DENND5B: variants seen among roughly 807,000 people sequenced by gnomAD.
DENND5B encodes the protein DENN domain-containing protein 5B.
DENND5B carries 34 observed loss-of-function variants against 140.6 expected under a neutral mutation model. The ratio of observed to expected loss-of-function variants is 0.24; its 90% confidence interval spans 0.18 to 0.32. DENND5B has a LOEUF of 0.32. Among genes scored for constraint, DENND5B ranks in the 10% least tolerant of loss-of-function variants. The pLI, the probability that DENND5B is intolerant of heterozygous loss-of-function variation, is 1.00. For missense variants in DENND5B, 1,142 were observed against 1,560.2 expected, an observed-to-expected ratio of 0.73 and a Z score of 4.52; for synonymous variants, 551 against 562.1, an observed-to-expected ratio of 0.98 and a Z score of 0.28.
intron 2 of DENND5B, among the ~76,000 whole-genome samples, chr12:31,493,259 A>G (rs763556467): frequency 8.5e-5 from 13 of 152,236 alleles, no homozygotes; most frequent in Admixed American, 2.0e-4. Context: ...CTTTGAAAAT[A>G]TAAGAATTCT....
chr12:31,555,433 A>T (rs1949244019), intron 1 of DENND5B, among the ~76,000 whole-genome samples: 1 of 152,164 alleles, frequency 6.6e-6, no homozygotes, highest in African/African-American at 2.4e-5. Context: ...TCAGAGGAGT[A>T]CCTGGCCGTG....
At chr12:31,389,987 A>C (rs1941040170) in intron 19 of DENND5B, among the ~76,000 whole-genome samples, 1 of 152,100 alleles carries the variant, frequency 6.6e-6, no homozygotes, top group Non-Finnish European at 1.5e-5. Flanking sequence ...ATAAGATTCT[A>C]GGCATTCCAG....
At chr12:31,511,701 T>A (rs188604420) in intron 1 of DENND5B, among the ~76,000 whole-genome samples, 1 of 152,032 alleles carries the variant, frequency 6.6e-6, no homozygotes, top group Non-Finnish European at 1.5e-5. Flanking sequence ...CACCCTTACA[T>A]CCTCAACACC....
In DENND5B at chr12:31,578,142, A is replaced by C. The variant is rs557568592; in HGVS notation, c.127+12564T>G. Among the ~76,000 whole-genome samples, 859 of 151,600 alleles carry C rather than the reference A, an allele frequency of 5.7e-3. 4 individuals are homozygous for C. Among genetic ancestry groups the C allele is most frequent in the African/African-American group, 0.02 (824 of 41,358 alleles). On this transcript the variant is annotated intron_variant, in intron 1 of 20. Transcript: ENST00000389082. ...ACGCTGTCTCAAAAAAAAAAAAAAAAAAAAAAAAACTACAACCCTAACATT... is the reference window on the plus strand; with the variant it reads ...ACGCTGTCTCAAAAAAAAAAAAAAACAAAAAAAAACTACAACCCTAACATT...
At chr12:31,417,914 G>C (rs999880953) in intron 11 of DENND5B, among the ~76,000 whole-genome samples, 13 of 152,066 alleles carry the variant, frequency 8.5e-5, no homozygotes, top group African/African-American at 3.1e-4. Flanking sequence ...TTCTACTTTG[G>C]GGGGCTGGGA....
chr12:31,393,753 T>C (rs1941278845), intron 17 of DENND5B, among the ~76,000 whole-genome samples: 1 of 152,164 alleles, frequency 6.6e-6, no homozygotes, highest in Admixed American at 6.5e-5. Flanking sequence ...AGTGGTGCAA[T>C]GTCGGCTCAC....
intron 3 of DENND5B, among the ~76,000 whole-genome samples, chr12:31,462,232 T>C (rs867274159): frequency 3.9e-5 from 6 of 152,164 alleles, no homozygotes; most frequent in Admixed American, 2.0e-4. Context: ...AGACAGCTGG[T>C]ACTCTCTGTG....
At chr12:31,521,152 T>A (rs1947863906) in intron 1 of DENND5B, among the ~76,000 whole-genome samples, 1 of 151,702 alleles carries the variant, frequency 6.6e-6, no homozygotes, top group Non-Finnish European at 1.5e-5. Context: ...GCTATAAGGA[T>A]GCCAAGGGAA....
chr12:31,480,493 AG>A (rs1183286217), intron 2 of DENND5B, among the ~76,000 whole-genome samples: 1 of 152,218 alleles, frequency 6.6e-6, no homozygotes, highest in Non-Finnish European at 1.5e-5. Context: ...GTTACATGCA[AG>A]GGGCTTTACT....
intron 15 of DENND5B, among the ~76,000 whole-genome samples, chr12:31,401,757 G>T (rs1048259519): frequency 9.9e-5 from 15 of 152,018 alleles, no homozygotes; most frequent in African/African-American, 3.6e-4. Context: ...CAAGTACCCA[G>T]ACTACAGGTG....
chr12:31,570,491 A>T (rs1192724555), intron 1 of DENND5B, among the ~76,000 whole-genome samples: 1 of 149,836 alleles, frequency 6.7e-6, no homozygotes, highest in Non-Finnish European at 1.5e-5. Flanking sequence ...GTTAGCCAGG[A>T]TGGTCTCGAT....
chr12:31,393,904 G>A (rs1941289521), intron 17 of DENND5B, among the ~76,000 whole-genome samples: 1 of 152,098 alleles, frequency 6.6e-6, no homozygotes, highest in African/African-American at 2.4e-5. Flanking sequence ...TGGTCACGCT[G>A]GTCTCGAACT....
chr12:31,449,200 T>C (rs1944402980), intron 5 of DENND5B, among the ~76,000 whole-genome samples: 1 of 152,234 alleles, frequency 6.6e-6, no homozygotes, highest in Non-Finnish European at 1.5e-5. Context: ...ATAAGGTGAC[T>C]TTTAAAAATA....
intron 10 of DENND5B, 58 bp from the exon 11 acceptor site, chr12:31,423,733 C>T: frequency 6.4e-7 from 1 of 1,555,270 alleles, no homozygotes. Flanking sequence ...AAAATAATTT[C>T]TCATCCAAAT....
At chr12:31,393,039 T>C (rs1941231141) in intron 17 of DENND5B, among the ~76,000 whole-genome samples, 1 of 152,130 alleles carries the variant, frequency 6.6e-6, no homozygotes, top group African/African-American at 2.4e-5. Flanking sequence ...TAGGAGTAAA[T>C]AACTAGCATG....
chr12:31,392,845 G>T, intron 17 of DENND5B, 149 bp from the exon 18 acceptor site: 1 of 679,066 alleles, frequency 1.5e-6, no homozygotes, highest in Non-Finnish European at 2.4e-6. Flanking sequence ...CCTCTGGCCT[G>T]TTTGGCCAAG....
chr12:31,517,348 G>A (rs905263201), intron 1 of DENND5B, among the ~76,000 whole-genome samples: 9 of 152,156 alleles, frequency 5.9e-5, no homozygotes, highest in Admixed American at 3.3e-4. Context: ...CGCTTAAAGC[G>A]GACTATGAGT....
intron 1 of DENND5B, among the ~76,000 whole-genome samples, chr12:31,579,661 T>TA (rs1172752425): frequency 1.3e-5 from 2 of 151,290 alleles, no homozygotes; most frequent in East Asian, 3.9e-4. Context: ...TTTATTTATT[T>TA]TTTTGAGACA....
intron 1 of DENND5B, among the ~76,000 whole-genome samples, chr12:31,587,308 G>A (rs1033376389): frequency 6.6e-6 from 1 of 152,136 alleles, no homozygotes; most frequent in African/African-American, 2.4e-5. Flanking sequence ...TTCTCCATCA[G>A]TCTTCCTATT....
Sources: allele counts gnomAD v4.1 joint callset (sites outside exome capture counted in the v4.1 genomes callset), GRCh38; gene constraint gnomAD v4.1.1; transcripts MANE v1.5; gene names NCBI Gene and HGNC (gene_info 2026-07-23, HGNC 2026-07-21).